Variants in METTL8 observed in about 807,000 individuals in gnomAD.
The protein encoded by METTL8 is methyltransferase 8, tRNA N3-cytidine, also known as tRNA N(3)-cytidine methyltransferase METTL8, mitochondrial.
A neutral mutation model predicts 48.7 loss-of-function variants in METTL8; 32 were observed. The ratio of observed to expected loss-of-function variants is 0.66; its 90% CI spans 0.50 to 0.88. The LOEUF (loss-of-function observed/expected upper bound fraction) is 0.88, where lower values mean the gene tolerates loss of function less well. METTL8 is among the 40% of genes least tolerant of loss of function. METTL8 has a pLI of 0.00. For synonymous variants in METTL8, 136 were observed against 157.1 expected (o/e 0.87, Z 1.01); for missense variants, 464 against 474.4 (o/e 0.98, Z 0.20).
intron 3 of METTL8, among the ~76,000 whole-genome samples, chr2:171,354,454 G>C (rs932055160): frequency 5.3e-5 from 8 of 152,142 alleles, no homozygotes; most frequent in Middle Eastern, 3.4e-3. Context: ...TGCTCTTCTC[G>C]AGGAGTATCT....
At position 171,370,609 on chromosome 2, in the gene METTL8, G is replaced by A. The variant is rs866199818; in HGVS notation, c.144-10096C>T. On this transcript the variant is annotated intron_variant, in intron 2 of 9. Coordinates refer to ENST00000375258, the MANE Select transcript of METTL8 (RefSeq NM_001321154.2). ...GATCGAGACCATCCTGGCTAACACA[G>A]TGAAACCCCATCTCTACTAAAAATA... Among the ~76,000 whole-genome samples, 4 of 152,216 alleles carry A rather than the reference G, an allele frequency of 2.6e-5. No individual in the cohort carries two copies. The South Asian group carries it at 8.3e-4, about 32-fold the overall frequency.
At chr2:171,351,080 G>A (rs1302369993) in intron 3 of METTL8, among the ~76,000 whole-genome samples, 1 of 152,172 alleles carries the variant, frequency 6.6e-6, no homozygotes, top group South Asian at 2.1e-4. Context: ...TTTCTTCTAG[G>A]GTTTTTATGG....
At chr2:171,408,949 T>C (rs760549075) in intron 1 of METTL8, among the ~76,000 whole-genome samples, 1 of 152,216 alleles carries the variant, frequency 6.6e-6, no homozygotes, top group African/African-American at 2.4e-5. Context: ...AGTCTGCCTC[T>C]CCTCACAATT....
At chr2:171,413,772 G>A (rs1481479724) in intron 1 of METTL8, among the ~76,000 whole-genome samples, 1 of 152,126 alleles carries the variant, frequency 6.6e-6, no homozygotes, top group Non-Finnish European at 1.5e-5. Flanking sequence ...ATAGCGGAAA[G>A]CCCATCACAC....
chr2:171,433,838 C>T lies in METTL8; in HGVS notation c.-13+45G>A, dbSNP rs1309210053. 1.5e-4 allele frequency: 23 copies of T among 154,242 alleles called. 1 individual carries two copies. Among genetic ancestry groups the T allele is most frequent in the Admixed American group, 1.5e-3 (23 of 15,436 alleles). 9.6% of individuals were successfully genotyped at this position (154,242 alleles called of 1,614,324 possible). On this transcript the variant is annotated intron_variant, in intron 1 of 9. Coordinates refer to ENST00000375258, the MANE Select transcript of METTL8 (RefSeq NM_001321154.2). The stretch of plus-strand genomic sequence containing the variant: ...CTAATACAAAAGCACAGTTTACCGT[C>T]CCCCTCAGCCAACATGCGGCTGAAG...
At chr2:171,377,022 A>G (rs1365404307) in intron 2 of METTL8, among the ~76,000 whole-genome samples, 2 of 152,242 alleles carry the variant, frequency 1.3e-5, no homozygotes, top group East Asian at 1.9e-4. Context: ...AACAGAATAT[A>G]GAACTCAGAA....
intron 1 of METTL8, among the ~76,000 whole-genome samples, chr2:171,421,183 G>T (rs1691834420): frequency 6.6e-6 from 1 of 152,188 alleles, no homozygotes; most frequent in African/African-American, 2.4e-5. Context: ...CTATTAAATG[G>T]AAAGTTTGGC....
chr2:171,432,513 T>G (rs1435355873), intron 1 of METTL8, among the ~76,000 whole-genome samples: 1 of 152,182 alleles, frequency 6.6e-6, no homozygotes, highest in Admixed American at 6.5e-5. Context: ...ATGATTTGAA[T>G]TTCATTTAAG....
At chr2:171,428,208 G>A (rs1201367387) in intron 1 of METTL8, among the ~76,000 whole-genome samples, 1 of 152,110 alleles carries the variant, frequency 6.6e-6, no homozygotes, top group Non-Finnish European at 1.5e-5. Flanking sequence ...ATCTATTTAT[G>A]CCATTTTACC....
chr2:171,409,997 A>T (rs1470991407), intron 1 of METTL8, among the ~76,000 whole-genome samples: 1 of 152,194 alleles, frequency 6.6e-6, no homozygotes, highest in African/African-American at 2.4e-5. Flanking sequence ...AACTATATAA[A>T]CTTAAAAAAA....
chr2:171,420,268 A>G (rs1306802523), intron 1 of METTL8, among the ~76,000 whole-genome samples: 1 of 152,204 alleles, frequency 6.6e-6, no homozygotes, highest in African/African-American at 2.4e-5. Context: ...TGGTGCTGGC[A>G]CTAGAACTTG....
intron 2 of METTL8, among the ~76,000 whole-genome samples, chr2:171,370,285 A>G (rs1574014526): frequency 6.6e-6 from 1 of 151,956 alleles, no homozygotes; most frequent in South Asian, 2.1e-4. Context: ...TTGCATTTGT[A>G]TTTTTTTAAC....
At chr2:171,370,635 C>CA (rs1322687591) in intron 2 of METTL8, among the ~76,000 whole-genome samples, 1 of 151,864 alleles carries the variant, frequency 6.6e-6, no homozygotes, top group Non-Finnish European at 1.5e-5. Context: ...ACTAAAAATA[C>CA]AAAAAATTAG....
chr2:171,347,225 T>C (rs1559082407), intron 3 of METTL8, among the ~76,000 whole-genome samples: 2 of 152,212 alleles, frequency 1.3e-5, no homozygotes, highest in South Asian at 4.1e-4. Context: ...AGACTGGACA[T>C]ACTAATAAGC....
chr2:171,369,163 G>C (rs184314507), intron 2 of METTL8, among the ~76,000 whole-genome samples: 11 of 151,432 alleles, frequency 7.3e-5, no homozygotes, highest in African/African-American at 2.7e-4. Flanking sequence ...AAAATTAGCC[G>C]GGCATGGTGG....
intron 2 of METTL8, among the ~76,000 whole-genome samples, chr2:171,382,312 A>C (rs1246530619): frequency 1.3e-5 from 2 of 152,176 alleles, no homozygotes; most frequent in Non-Finnish European, 2.9e-5. Context: ...CCCAAATGTC[A>C]ATCAATAATA....
intron 1 of METTL8, among the ~76,000 whole-genome samples, chr2:171,411,171 A>T (rs964128651): frequency 3.3e-5 from 5 of 152,230 alleles, no homozygotes; most frequent in African/African-American, 1.2e-4. Context: ...GGAAGACAGT[A>T]CATGGGTTTC....
rs564548039 is a variant in METTL8 at position 171,317,307 on chromosome 2, AAAATATTTGGCC to A, written c.*6853_*6864del. 483 of 152,358 alleles carry A rather than the reference AAAATATTTGGCC, an allele frequency of 3.2e-3. 4 individuals carry two copies. Among genetic ancestry groups the A allele is most frequent in the African/African-American group, 0.011 (456 of 41,582 alleles). 9.4% of individuals were successfully genotyped at this position (152,358 alleles called of 1,614,324 possible). ...GCAATGAACTAGGAGCAATGGATTG[AAAATATTTGGCC>A]AAATAATTTTTATAAGCATAACAAA... On this transcript the variant is annotated 3_prime_UTR_variant, in exon 10 of 10. Transcript: ENST00000375258.
chr2:171,412,182 T>G (rs1690818177), intron 1 of METTL8, among the ~76,000 whole-genome samples: 1 of 152,238 alleles, frequency 6.6e-6, no homozygotes, highest in Non-Finnish European at 1.5e-5. Flanking sequence ...TTCTACAATG[T>G]CATCGAGGAT....
Sources: gnomAD v4.1 joint callset for allele counts (sites outside exome capture counted in the v4.1 genomes callset) on GRCh38, gnomAD v4.1.1 for gene constraint, MANE v1.5 for transcripts, NCBI Gene and HGNC (gene_info 2026-07-23, HGNC 2026-07-21) for gene names.